The following ADD3 variants were observed in gnomAD, a reference collection of about 807,000 sequenced individuals.
ADD3 encodes the protein gamma-adducin.
In ADD3, 25 loss-of-function variants were observed where a neutral mutation model predicts 80.2. The observed-to-expected ratio is 0.31, with a 90% CI of 0.23 to 0.44. The LOEUF (loss-of-function observed/expected upper bound fraction) is 0.44. ADD3 is among the 20% of genes least tolerant of loss of function. ADD3 has a pLI of 1.00. For missense variants in ADD3, 829 were observed against 847.5 expected (o/e 0.98, Z 0.27); for synonymous variants, 284 against 289.6 (o/e 0.98, Z 0.20).
chr10:110,059,656 C>G (rs1261446376), intron 1 of ADD3, among the ~76,000 whole-genome samples: 1 of 152,048 alleles, frequency 6.6e-6, no homozygotes, highest in African/African-American at 2.4e-5. Flanking sequence ...GTAGTCCCAG[C>G]TACTCGGGAG....
intron 1 of ADD3, among the ~76,000 whole-genome samples, chr10:110,045,173 G>C (rs1042623702): frequency 2.6e-5 from 4 of 152,156 alleles, no homozygotes; most frequent in African/African-American, 9.7e-5. Flanking sequence ...GGCCAACATA[G>C]TGAAACCCCG....
intron 1 of ADD3, among the ~76,000 whole-genome samples, chr10:110,051,252 T>G (rs554880186): frequency 2.6e-4 from 40 of 152,312 alleles, no homozygotes; most frequent in African/African-American, 9.4e-4. Flanking sequence ...GGAAATGATT[T>G]CTTGGATGTG....
At chr10:110,040,955 T>TCG (rs1554913040) in intron 1 of ADD3, among the ~76,000 whole-genome samples, 9 of 27,180 alleles carry the variant, frequency 3.3e-4, no homozygotes, top group Non-Finnish European at 1.2e-3. Context: ...GCTCTCTCTG[T>TCG]CTCTCTCTGT....
intron 11 of ADD3, 123 bp from the exon 12 acceptor site, chr10:110,126,294 G>A (rs535504469): frequency 8.6e-6 from 6 of 699,384 alleles, no homozygotes; most frequent in Non-Finnish European, 1.2e-5. Flanking sequence ...CTTTATGGAG[G>A]TGGGAATTGA....
chr10:110,079,453 A>T lies in ADD3; in HGVS notation c.-29-21172A>T, dbSNP rs1173040482. Among the ~76,000 whole-genome samples the T allele has an allele frequency of 1.0e-3, 134 of 132,870 alleles. 3 individuals are homozygous for T. The highest frequency in any genetic ancestry group is 3.6e-3 in the African/African-American group (111 of 30,652). 87.2% of individuals were successfully genotyped at this position (132,870 alleles called of 152,430 possible). A position where few individuals can be genotyped will look rare whatever the true frequency, so the allele number is the denominator to read the frequency against. ...GAGAGAGAGAGAGAGAGAGAGAGAGAGAGAGAGAGTGTGTGTGTGTGTGTG... is the reference window on the plus strand; with the variant it reads ...GAGAGAGAGAGAGAGAGAGAGAGAGTGAGAGAGAGTGTGTGTGTGTGTGTG... On this transcript the variant is annotated intron_variant, in intron 1 of 14. Coordinates refer to ENST00000356080, the MANE Select transcript of ADD3 (RefSeq NM_016824.5).
chr10:110,104,901 C>G (rs1019494134), intron 2 of ADD3, among the ~76,000 whole-genome samples: 3 of 152,146 alleles, frequency 2.0e-5, no homozygotes, highest in Non-Finnish European at 4.4e-5. Flanking sequence ...AAAGCTCACA[C>G]CTGTAATCAC....
intron 1 of ADD3, among the ~76,000 whole-genome samples, chr10:110,080,640 A>G (rs939613847): frequency 2.6e-5 from 4 of 152,234 alleles, no homozygotes; most frequent in Admixed American, 6.5e-5. Flanking sequence ...TTGTGAAGTT[A>G]TGTTTGTTTT....
intron 1 of ADD3, among the ~76,000 whole-genome samples, chr10:110,046,238 C>T (rs892049245): frequency 5.3e-5 from 8 of 151,908 alleles, no homozygotes; most frequent in Admixed American, 2.6e-4. Flanking sequence ...AGTACAGTAC[C>T]GTAAATGTAT....
chr10:110,070,199 A>G (rs1192290325), intron 1 of ADD3, among the ~76,000 whole-genome samples: 1 of 152,156 alleles, frequency 6.6e-6, no homozygotes, highest in Admixed American at 6.5e-5. Context: ...TATCTGTAGT[A>G]TATCTATTAT....
At chr10:110,063,776 TATATATAA>T (rs1205542754) in intron 1 of ADD3, among the ~76,000 whole-genome samples, 1 of 97,726 alleles carries the variant, frequency 1.0e-5, no homozygotes, top group African/African-American at 4.0e-5. Flanking sequence ...TATATATATA[TATATATAA>T]AGTGAACACC....
At chr10:110,001,003 A>G (rs1851473555), upstream of ADD3, among the ~76,000 whole-genome samples, 1 of 152,232 alleles carries the variant, frequency 6.6e-6, no homozygotes, top group Admixed American at 6.5e-5. Context: ...ATTTTTGAAC[A>G]CAGAGTGAGA....
At chr10:110,006,895 T>C (rs1326904794), upstream of ADD3, among the ~76,000 whole-genome samples, 1 of 151,688 alleles carries the variant, frequency 6.6e-6, no homozygotes, top group Non-Finnish European at 1.5e-5. Flanking sequence ...TTGTGTGTGT[T>C]AGGGTGGGGT....
intron 13 of ADD3, among the ~76,000 whole-genome samples, chr10:110,131,519 T>C (rs1263271426): frequency 6.6e-6 from 1 of 152,208 alleles, no homozygotes; most frequent in Non-Finnish European, 1.5e-5. Context: ...CAAAGCAAAA[T>C]AAGCCAATAG....
Position 110,124,281 on chromosome 10 carries a change from C to T in ADD3, c.1401+7C>T. The T allele has an allele frequency of 6.2e-7, 1 of 1,612,652 alleles. No individual in the cohort carries two copies. ...TCCCCGAACCAAAATCACGGTATGC[C>T]AGTATTTTATGTAGTTTGCCTTTAC... is the stretch of plus-strand genomic sequence containing the variant. On this transcript the variant is annotated splice_region_variant and intron_variant, in intron 10 of 14. Coordinates refer to ENST00000356080, the MANE Select transcript of ADD3 (RefSeq NM_016824.5).
At chr10:110,129,604 A>G (rs958096764) in intron 12 of ADD3, among the ~76,000 whole-genome samples, 2 of 152,078 alleles carry the variant, frequency 1.3e-5, no homozygotes, top group African/African-American at 2.4e-5. Flanking sequence ...ACCACCTTCT[A>G]TGGTACCTAT....
At position 110,134,850 on chromosome 10, in the gene ADD3, A is replaced by G. The variant is rs1474951930; in HGVS notation, c.*1232A>G. On this transcript the variant is annotated 3_prime_UTR_variant, in exon 15 of 15. Coordinates refer to ENST00000356080, the MANE Select transcript of ADD3 (RefSeq NM_016824.5). ...TCTTTAGAGGGCAGCACTAGAAGAA[A>G]TCAGCAGGTCTAATCCCACCAGTAA... 1.3e-5 allele frequency: 2 copies of G among 152,668 alleles called. No homozygotes were observed. Among genetic ancestry groups the G allele is most frequent in the Non-Finnish European group, 2.9e-5 (2 of 68,040 alleles). 9.5% of individuals were successfully genotyped at this position (152,668 alleles called of 1,614,324 possible). A position where few individuals can be genotyped will look rare whatever the true frequency, so the allele number is the denominator to read the frequency against.
In ADD3 at chr10:110,112,886, C is replaced by G. The variant is rs761476337; in HGVS notation, c.305C>G (p.Ser102Cys). The G allele has an allele frequency of 1.9e-6, 3 of 1,613,870 alleles. No individual in the cohort carries two copies. In the Admixed American group the frequency reaches 5.0e-5, roughly 27 times the overall value. The part of the protein sequence containing the change: ...QQIADYIMAN[S>C]FSGFSSPPLS... ...ATTGCAGATTACATCATGGCCAATT[C>G]TTTCTCGGGTTTTTCTTCACCTCCT... The change falls in exon 3 of 15, where the codon TCT (serine) becomes TGT (cysteine). Residue 102 changes from serine (S) to cysteine (C), a missense_variant. By Grantham distance (112) the Ser-to-Cys change is moderately radical. Transcript: ENST00000356080.
At chr10:110,068,293 C>T (rs1052969502) in intron 1 of ADD3, among the ~76,000 whole-genome samples, 1 of 152,170 alleles carries the variant, frequency 6.6e-6, no homozygotes, top group African/African-American at 2.4e-5. Flanking sequence ...CCACCTCCCC[C>T]CCTCCTTTCT....
chr10:110,085,255 C>T (rs1846582205), intron 1 of ADD3, among the ~76,000 whole-genome samples: 1 of 152,180 alleles, frequency 6.6e-6, no homozygotes, highest in Admixed American at 6.5e-5. Context: ...ATGTCCAACA[C>T]AGTTCAAAAT....
Sources: allele counts gnomAD v4.1 joint callset (sites outside exome capture counted in the v4.1 genomes callset), GRCh38; gene constraint gnomAD v4.1.1; transcripts MANE v1.5; gene names NCBI Gene and HGNC (gene_info 2026-07-23, HGNC 2026-07-21).